The following THTPA variants were observed in gnomAD, a reference collection of about 807,000 sequenced individuals.
THTPA encodes the protein thiamine-triphosphatase.
In THTPA, 16 loss-of-function variants were observed where a neutral mutation model predicts 16.5. The ratio of observed to expected loss-of-function variants is 0.97; its 90% CI spans 0.66 to 1.47. The LOEUF (loss-of-function observed/expected upper bound fraction) is 1.47, where lower values mean the gene tolerates loss of function less well. THTPA is among the 40% of genes most tolerant of loss of function. The probability of loss-of-function intolerance (pLI) is 0.00; values close to 1 mark genes in which losing one functional copy is unlikely to be tolerated. For missense variants in THTPA, 281 were observed against 280.9 expected (o/e 1.00, Z 0.00); for synonymous variants, 110 against 115.5 (o/e 0.95, Z 0.30).
chr14:23,529,348 T>G, the THTPA span: 1 of 247,766 alleles, frequency 4.0e-6, no homozygotes, highest in African/African-American at 2.3e-5. Flanking sequence ...GTCTTTCTGC[T>G]CCTAACTAAG....
the THTPA span, chr14:23,525,553 G>A: frequency 6.5e-7 from 1 of 1,535,378 alleles, no homozygotes; most frequent in Admixed American, 2.0e-5. This position sits in a 1 kb window ranked among gnomAD's most constrained non-coding sequence, Gnocchi z 5.9. Context: ...TAGGGGGAGG[G>A]GGCACAGCTT....
chr14:23,528,702 C>T, the THTPA span: 1 of 985,230 alleles, frequency 1.0e-6, no homozygotes, highest in Non-Finnish European at 1.2e-6. Context: ...TTTCTTTTTC[C>T]TTCTTCTTTT....
the THTPA span, chr14:23,532,739 C>T: frequency 8.5e-6 from 13 of 1,535,552 alleles, no homozygotes; most frequent in African/African-American, 1.4e-5. Context: ...CATGGCTCCA[C>T]CCCCCTCCCG....
chr14:23,520,680 C>T, the THTPA span, among the ~76,000 whole-genome samples: 3 of 151,774 alleles, frequency 2.0e-5, no homozygotes, highest in Non-Finnish European at 4.4e-5. This position sits in a 1 kb window ranked among gnomAD's most constrained non-coding sequence, Gnocchi z 8.7. Context: ...GGAGGCTGCG[C>T]ATAGCAGGGG....
chr14:23,523,025 C>T, the THTPA span: 3 of 1,416,054 alleles, frequency 2.1e-6, no homozygotes, highest in Admixed American at 6.0e-5. This position sits in a 1 kb window ranked among gnomAD's most constrained non-coding sequence, Gnocchi z 4.1. Context: ...CAGCCACACA[C>T]ACCCGTTCCC....
At chr14:23,550,412 A>G in the THTPA span, among the ~76,000 whole-genome samples, 3 of 152,228 alleles carry the variant, frequency 2.0e-5, no homozygotes, top group African/African-American at 7.2e-5. Context: ...ATGGAATCCT[A>G]GACCGACAGA....
At chr14:23,523,938 G>A in the THTPA span, 1 of 1,536,010 alleles carries the variant, frequency 6.5e-7, no homozygotes, top group African/African-American at 1.4e-5. The surrounding 1 kb of genome is among the most constrained non-coding windows in gnomAD (Gnocchi z 4.1). Flanking sequence ...CTGGGTGGAG[G>A]GGGAGGTAGG....
At chr14:23,529,574 G>T in the THTPA span, 1 of 904,698 alleles carries the variant, frequency 1.1e-6, no homozygotes. Flanking sequence ...CTGGATCTGG[G>T]TGGAATTTCT....
chr14:23,512,045 C>G, the THTPA span, among the ~76,000 whole-genome samples: 15 of 152,142 alleles, frequency 9.9e-5, no homozygotes, highest in African/African-American at 2.9e-4. Flanking sequence ...CCTTCCTCCT[C>G]CCCCATCCCA....
the THTPA span, chr14:23,513,660 G>A: frequency 2.0e-5 from 3 of 152,866 alleles, no homozygotes; most frequent in Non-Finnish European, 4.4e-5. Flanking sequence ...GGGAGGAGGC[G>A]AGTGGAGGGC....
At chr14:23,525,615 G>A in the THTPA span, 225 of 1,535,834 alleles carry the variant, frequency 1.5e-4, 1 homozygote, top group East Asian at 5.5e-3. The surrounding 1 kb of genome is among the most constrained non-coding windows in gnomAD (Gnocchi z 5.9). Flanking sequence ...TTTTCTAGAA[G>A]GGCTTTGGCT....
the THTPA span, among the ~76,000 whole-genome samples, chr14:23,539,951 T>C: frequency 5.3e-5 from 8 of 152,238 alleles, no homozygotes; most frequent in Non-Finnish European, 1.0e-4. Context: ...ACCATCAAGT[T>C]TGCATACAAT....
chr14:23,537,091 GA>G, the THTPA span, among the ~76,000 whole-genome samples: 2 of 149,274 alleles, frequency 1.3e-5, no homozygotes, highest in Non-Finnish European at 3.0e-5. Context: ...AGTGAGCCGG[GA>G]CTGCACCATC....
chr14:23,524,860 A>G, the THTPA span: 1 of 1,536,426 alleles, frequency 6.5e-7, no homozygotes, highest in African/African-American at 1.4e-5. This position sits in a 1 kb window ranked among gnomAD's most constrained non-coding sequence, Gnocchi z 5.6. Flanking sequence ...GGGTCTGGTC[A>G]TCATAGCACT....
chr14:23,533,244 C>T, the THTPA span: 2 of 1,434,292 alleles, frequency 1.4e-6, no homozygotes, highest in African/African-American at 1.4e-5. The surrounding 1 kb of genome is among the most constrained non-coding windows in gnomAD (Gnocchi z 4.8). Flanking sequence ...TAGAGTTTGG[C>T]CCTGGGGAGG....
chr14:23,523,183 C>T, the THTPA span: 5 of 1,413,208 alleles, frequency 3.5e-6, no homozygotes, highest in African/African-American at 4.3e-5. The surrounding 1 kb of genome is among the most constrained non-coding windows in gnomAD (Gnocchi z 4.1). Flanking sequence ...AGTCCAGCTC[C>T]TCCCAGCCTC....
the THTPA span, chr14:23,522,637 A>C: frequency 6.5e-7 from 1 of 1,535,200 alleles, no homozygotes; most frequent in African/African-American, 1.4e-5. Context: ...GGGGCAATGG[A>C]AAGGGCAGGA....
chr14:23,526,871 T>C, the THTPA span: 1 of 1,533,706 alleles, frequency 6.5e-7, no homozygotes, highest in East Asian at 2.4e-5. Flanking sequence ...CTGCTCGGTG[T>C]AGGCTCTGGC....
the THTPA span, chr14:23,532,739 C>A: frequency 8.2e-5 from 126 of 1,535,666 alleles, 2 homozygotes; most frequent in East Asian, 2.6e-3. Flanking sequence ...CATGGCTCCA[C>A]CCCCCTCCCG....
Sources: gnomAD v4.1 joint callset for allele counts (sites outside exome capture counted in the v4.1 genomes callset) on GRCh38, gnomAD v4.1.1 for gene constraint, Gnocchi (gnomAD v3.1) non-coding constraint, MANE v1.5 for transcripts, NCBI Gene and HGNC (gene_info 2026-07-23, HGNC 2026-07-21) for gene names.